The following CISD3 variants were observed in gnomAD, a reference collection of about 807,000 sequenced individuals.
CISD3 encodes the protein CDGSH iron-sulfur domain-containing protein 3, mitochondrial.
A neutral mutation model predicts 14.1 loss-of-function variants in CISD3; 11 were observed. The ratio of observed to expected loss-of-function variants is 0.78; its 90% CI spans 0.49 to 1.29. CISD3 has a LOEUF of 1.29. Ranked by LOEUF, CISD3 falls within the 50% of genes most tolerant of loss-of-function variation. The pLI is 0.00. For missense variants in CISD3, 156 were observed against 171.6 expected (o/e 0.91, Z 0.51); for synonymous variants, 53 against 69.2 (o/e 0.77, Z 1.16).
chr17:38,730,522 G>A, intron 1 of CISD3, 116 bp downstream of exon 1: 1 of 981,622 alleles, frequency 1.0e-6, no homozygotes, highest in Non-Finnish European at 1.5e-6. Flanking sequence ...CGTCCCGCCG[G>A]TGTCTGGCTT....
intron 3 of CISD3, among the ~76,000 whole-genome samples, chr17:38,733,017 C>T (rs1363355277): frequency 1.3e-5 from 2 of 151,890 alleles, no homozygotes; most frequent in Non-Finnish European, 2.9e-5. Context: ...GAGACTAATG[C>T]TATAAAGACT....
Position 38,731,359 on chromosome 17 carries a change from GC to G in CISD3, c.127del (p.Leu43Ter). Reference sequence around the variant, plus strand: ...TAGAACCCCAGCCAGGTCCGTGGTGGCCCTGAAGACCCCCATCAAGGTGGAG... The same window carrying G: ...TAGAACCCCAGCCAGGTCCGTGGTGGCCTGAAGACCCCCATCAAGGTGGAG... Reference protein sequence around the residue: ...FPRTPARSVVALKTPIKVELV... With the variant: ...FPRTPARSVVXLKTPIKVELV... On this transcript the variant is annotated frameshift_variant, in exon 3 of 4. Coordinates refer to ENST00000613478, the MANE Select transcript of CISD3 (RefSeq NM_001136498.2). LOFTEE classifies it high-confidence loss of function. The G allele has an allele frequency of 6.4e-7, 1 of 1,551,602 alleles. No homozygotes were observed. Among genetic ancestry groups the G allele is most frequent in the Non-Finnish European group, 8.7e-7 (1 of 1,146,968 alleles).
Position 38,731,368 on chromosome 17 carries a change from A to AC in CISD3, c.138dup (p.Ile47HisfsTer26), listed in dbSNP as rs1471876658. 24 of 1,550,836 alleles carry AC rather than the reference A, an allele frequency of 1.5e-5. No individual in the cohort carries two copies. Among genetic ancestry groups the AC allele is most frequent in the Non-Finnish European group, 2.0e-5 (23 of 1,146,792 alleles). On this transcript the variant is annotated frameshift_variant, in exon 3 of 4. Coordinates refer to ENST00000613478, the MANE Select transcript of CISD3 (RefSeq NM_001136498.2). LOFTEE classifies it high-confidence loss of function. ...AGCCAGGTCCGTGGTGGCCCTGAAG[A>AC]CCCCCATCAAGGTGGAGCTGGTGGC...
rs1906629249 is a variant in CISD3 at position 38,735,473 on chromosome 17, T to G, written c.*2018T>G. 6.3e-7 allele frequency: 1 copy of G among 1,591,630 alleles called. No homozygotes were observed. The highest frequency in any genetic ancestry group is 1.8e-5 in the Admixed American group (1 of 56,728). On this transcript the variant is annotated 3_prime_UTR_variant, in exon 4 of 4. Transcript: ENST00000613478. ...TGGCAGGGTGGCAGGGCTGGGAGCC[T>G]TGTCGCTGACTGACTCACACTCGGA... is the stretch of plus-strand genomic sequence containing the variant.
intron 2 of CISD3, 124 bp from the exon 3 acceptor site, chr17:38,731,196 T>G: frequency 7.5e-7 from 1 of 1,335,816 alleles, no homozygotes; most frequent in Non-Finnish European, 1.0e-6. Flanking sequence ...TGGCATCAGA[T>G]CAGCCTCTTG....
At chr17:38,731,537 C>CT in intron 3 of CISD3, 98 bp downstream of exon 3, 1 of 1,466,568 alleles carries the variant, frequency 6.8e-7, no homozygotes, top group Non-Finnish European at 9.3e-7. Flanking sequence ...TCTTCCCACA[C>CT]ATACCTGAGG....
chr17:38,733,590 T>C lies in CISD3; in HGVS notation c.*135T>C. 2.1e-6 allele frequency: 2 copies of C among 938,992 alleles called. No homozygotes were observed. Among genetic ancestry groups the C allele is most frequent in the East Asian group, 2.8e-5 (1 of 36,154 alleles). The allele number at this position is 938,992 out of a possible 1,614,324, so 58.2% of individuals were successfully genotyped here. A position where few individuals can be genotyped will look rare whatever the true frequency, so the allele number is the denominator to read the frequency against. ...CTGCTGGCTCATGAAGGAAGAATTATTCCTTATAACCTAAAAGTCTCCAGT... is the reference window on the plus strand; with the variant it reads ...CTGCTGGCTCATGAAGGAAGAATTACTCCTTATAACCTAAAAGTCTCCAGT... On this transcript the variant is annotated 3_prime_UTR_variant, in exon 4 of 4. Coordinates refer to ENST00000613478, the MANE Select transcript of CISD3 (RefSeq NM_001136498.2).
rs760079760 is a variant in CISD3 at position 38,734,883 on chromosome 17, T to TG, written c.*1429dup. On this transcript the variant is annotated 3_prime_UTR_variant, in exon 4 of 4. Transcript: ENST00000613478. The stretch of plus-strand genomic sequence containing the variant: ...CAGCGAGGATGGTGCAGAGCTTTAT[T>TG]GAGACTCCAGTGGCCCATCCAGTTC... The TG allele has an allele frequency of 6.2e-5, 12 of 192,324 alleles. No individual in the cohort carries two copies. Among genetic ancestry groups the TG allele is most frequent in the Non-Finnish European group, 1.2e-4 (11 of 95,338 alleles). The allele number at this position is 192,324 out of a possible 1,614,324, so 11.9% of individuals were successfully genotyped here. A position where few individuals can be genotyped will look rare whatever the true frequency, so the allele number is the denominator to read the frequency against.
In CISD3 at chr17:38,734,804, T is replaced by C. The variant is rs1230571855; in HGVS notation, c.*1349T>C. 21 of 157,410 alleles carry C rather than the reference T, an allele frequency of 1.3e-4. No homozygotes were observed. Among genetic ancestry groups the C allele is most frequent in the African/African-American group, 4.8e-5 (2 of 41,644 alleles). The allele number at this position is 157,410 out of a possible 1,614,324, so 9.8% of individuals were successfully genotyped here. A position where few individuals can be genotyped will look rare whatever the true frequency, so the allele number is the denominator to read the frequency against. ...TCCTATATGCAGCCAGTTGGAATCATGCCTAAAGCTTTGGGTCTGAAGGGG... is the reference window on the plus strand; with the variant it reads ...TCCTATATGCAGCCAGTTGGAATCACGCCTAAAGCTTTGGGTCTGAAGGGG... On this transcript the variant is annotated 3_prime_UTR_variant, in exon 4 of 4. Coordinates refer to ENST00000613478, the MANE Select transcript of CISD3 (RefSeq NM_001136498.2).
intron 2 of CISD3, 199 bp downstream of exon 2, chr17:38,730,994 G>A: frequency 1.5e-6 from 1 of 651,046 alleles, no homozygotes; most frequent in Non-Finnish European, 2.6e-6. Context: ...AGCACCTAAT[G>A]AACCAAGCCC....
intron 3 of CISD3, chr17:38,731,998 C>G (rs1906355418): frequency 6.5e-6 from 1 of 153,220 alleles, no homozygotes; most frequent in Non-Finnish European, 1.5e-5. Flanking sequence ...CTCTACTCTT[C>G]TTCCAGAAAA....
At chr17:38,732,288 A>G (rs537567617) in intron 3 of CISD3, among the ~76,000 whole-genome samples, 3 of 152,180 alleles carry the variant, frequency 2.0e-5, no homozygotes, top group Non-Finnish European at 2.9e-5. Flanking sequence ...GCTGGTTTCT[A>G]TTTGCACGCT....
Position 38,733,347 on chromosome 17 carries a change from C to A in CISD3, c.276C>A (p.Thr92=), listed in dbSNP as rs1293967975. 1.9e-6 allele frequency: 3 copies of A among 1,551,626 alleles called. No individual in the cohort carries two copies. The highest frequency in any genetic ancestry group is 4.9e-5 in the East Asian group (2 of 40,942). ...LSPLKFKAQE[T]RMVALCTCKA... is the part of the protein sequence containing the mutation. ...CACTCAAGTTCAAGGCCCAAGAGACCCGCATGGTGGCACTCTGTACCTGCA... is the reference window on the plus strand; with the variant it reads ...CACTCAAGTTCAAGGCCCAAGAGACACGCATGGTGGCACTCTGTACCTGCA... The change falls in exon 4 of 4, where the codon ACC becomes ACA. Residue 92 remains threonine (T), a synonymous_variant. Coordinates refer to ENST00000613478, the MANE Select transcript of CISD3 (RefSeq NM_001136498.2).
At position 38,731,453 on chromosome 17, in the gene CISD3, C is replaced by T. The variant is rs1195430577; in HGVS notation, c.204+14C>T. Reference sequence around the variant, plus strand: ...AGCAAGAAGCAGGTGAGACCCCTGTCTGCCTTCCTACTGATACCTCTGGCT... The same window carrying T: ...AGCAAGAAGCAGGTGAGACCCCTGTTTGCCTTCCTACTGATACCTCTGGCT... On this transcript the variant is annotated intron_variant, in intron 3 of 3. Coordinates refer to ENST00000613478, the MANE Select transcript of CISD3 (RefSeq NM_001136498.2). The T allele has an allele frequency of 3.2e-6, 5 of 1,551,424 alleles. No homozygotes were observed. The Admixed American group carries it at 9.8e-5, about 30-fold the overall frequency.
intron 3 of CISD3, among the ~76,000 whole-genome samples, chr17:38,732,938 G>GACACACACACACACACACACACAC (rs148830489): frequency 6.0e-5 from 7 of 116,570 alleles, no homozygotes; most frequent in African/African-American, 2.0e-4. Context: ...GAGACTCAGA[G>GACACACACACACACACACACACAC]ACACACACAC....
chr17:38,735,379 T>C lies in CISD3; in HGVS notation c.*1924T>C. Reference sequence around the variant, plus strand: ...GAGTGGGGGAGGTAGGGTGGGTGGCTGGAGGCCCATGGGAACTGGGAGAGC... The same window carrying C: ...GAGTGGGGGAGGTAGGGTGGGTGGCCGGAGGCCCATGGGAACTGGGAGAGC... On this transcript the variant is annotated 3_prime_UTR_variant, in exon 4 of 4. Transcript: ENST00000613478. 1 of 1,563,712 alleles carries C rather than the reference T, an allele frequency of 6.4e-7. No homozygotes were observed. The highest frequency in any genetic ancestry group is 8.7e-7 in the Non-Finnish European group (1 of 1,153,132).
chr17:38,731,276 A>G (rs1906322456), intron 2 of CISD3, 44 bp from the exon 3 acceptor site: 2 of 1,544,598 alleles, frequency 1.3e-6, no homozygotes, highest in African/African-American at 1.4e-5. Context: ...CGGTGCTTCC[A>G]GGGCTTGAGC....
At chr17:38,732,299 T>G (rs1906367568) in intron 3 of CISD3, among the ~76,000 whole-genome samples, 1 of 152,154 alleles carries the variant, frequency 6.6e-6, no homozygotes. Context: ...TTTGCACGCT[T>G]CTCTCATCTC....
intron 2 of CISD3, 84 bp from the exon 3 acceptor site, chr17:38,731,236 G>A (rs1286644565): frequency 4.6e-6 from 7 of 1,512,834 alleles, no homozygotes; most frequent in Non-Finnish European, 6.2e-6. Flanking sequence ...ACACAGGCCA[G>A]TGGGAAACTA....
Sources: gnomAD v4.1 joint callset for allele counts (sites outside exome capture counted in the v4.1 genomes callset) on GRCh38, gnomAD v4.1.1 for gene constraint, MANE v1.5 for transcripts, NCBI Gene and HGNC (gene_info 2026-07-23, HGNC 2026-07-21) for gene names.